B4GALT1: variants seen among roughly 807,000 people sequenced by gnomAD.
B4GALT1 encodes the protein beta-1,4-galactosyltransferase 1.
A neutral mutation model predicts 34.9 loss-of-function variants in B4GALT1; 16 were observed. The observed-to-expected ratio is 0.46, with a 90% CI of 0.31 to 0.70. The LOEUF (loss-of-function observed/expected upper bound fraction) is 0.70, where lower values mean the gene tolerates loss of function less well. Ranked by LOEUF, B4GALT1 falls within the 30% of genes least tolerant of loss-of-function variation. The probability of loss-of-function intolerance (pLI) is 0.05; values close to 1 mark genes in which losing one functional copy is unlikely to be tolerated. For synonymous variants in B4GALT1, 221 were observed against 218.1 expected, an observed-to-expected ratio of 1.01 and a Z score of -0.12; for missense variants, 445 against 530.5, an observed-to-expected ratio of 0.84 and a Z score of 1.58.
intron 1 of B4GALT1, among the ~76,000 whole-genome samples, chr9:33,136,035 T>C (rs1229977493): frequency 6.6e-6 from 1 of 151,358 alleles, no homozygotes; most frequent in East Asian, 1.9e-4. Flanking sequence ...AGGGACTCGA[T>C]GGAAGGTGAA....
intron 1 of B4GALT1, among the ~76,000 whole-genome samples, chr9:33,146,445 C>A (rs1840426620): frequency 6.6e-6 from 1 of 152,194 alleles, no homozygotes; most frequent in South Asian, 2.1e-4. Flanking sequence ...TTAAGACTTT[C>A]ACCTCCAGGC....
At chr9:33,141,135 T>A (rs1194632384) in intron 1 of B4GALT1, among the ~76,000 whole-genome samples, 1 of 152,160 alleles carries the variant, frequency 6.6e-6, no homozygotes, top group East Asian at 1.9e-4. Context: ...ACCCAGTTAG[T>A]ATGTATCATG....
At chr9:33,139,951 C>G (rs1471306209) in intron 1 of B4GALT1, among the ~76,000 whole-genome samples, 1 of 152,230 alleles carries the variant, frequency 6.6e-6, no homozygotes, top group Non-Finnish European at 1.5e-5. Flanking sequence ...AAGCTGTCCT[C>G]GGCTCCCCCA....
rs17247945 is a variant in B4GALT1, at chr9:33,111,716, T to G, written c.*1738A>C. On this transcript the variant is annotated 3_prime_UTR_variant, in exon 6 of 6. Transcript: ENST00000379731. The stretch of plus-strand genomic sequence containing the variant: ...ACGAGCACAAGGCTCAACCCTGGGA[T>G]TAGGCAGCTGAGTCTTGGAACCTGA... 5,874 of 152,682 alleles carry G rather than the reference T, an allele frequency of 0.038. 153 individuals are homozygous for G. The highest frequency in any genetic ancestry group is 0.061 in the Non-Finnish European group (4,184 of 68,052). The allele number at this position is 152,682 out of a possible 1,614,324, so 9.5% of individuals were successfully genotyped here.
intron 1 of B4GALT1, among the ~76,000 whole-genome samples, chr9:33,163,141 T>C (rs915899155): frequency 3.1e-4 from 47 of 152,146 alleles, no homozygotes; most frequent in African/African-American, 1.1e-3. Flanking sequence ...CACTCTGTCC[T>C]GGGCAGCCTG....
chr9:33,104,686 A>G, exon 3 of B4GALT1: 1 of 448,426 alleles, frequency 2.2e-6, no homozygotes, highest in Non-Finnish European at 4.5e-6. Context: ...TCAAATCTCC[A>G]GGAAGATGCT....
exon 3 of B4GALT1, chr9:33,104,625 T>C (rs1215998526): frequency 2.5e-6 from 1 of 402,962 alleles, no homozygotes; most frequent in Non-Finnish European, 4.9e-6. Context: ...TCCTTATGAC[T>C]GGCCAATCCT....
At chr9:33,116,630 C>T (rs961840191) in intron 3 of B4GALT1, among the ~76,000 whole-genome samples, 3 of 146,740 alleles carry the variant, frequency 2.0e-5, no homozygotes, top group Middle Eastern at 7.5e-3. Context: ...TCAAGTAATT[C>T]TCCTGTCTCA....
At chr9:33,177,286 T>C in the B4GALT1 span, 1 of 152,244 alleles carries the variant, frequency 6.6e-6, no homozygotes, top group Non-Finnish European at 1.5e-5. Flanking sequence ...TTCCTCGCTG[T>C]GTTGTCATCC....
the B4GALT1 span, among the ~76,000 whole-genome samples, chr9:33,184,188 T>TA: frequency 6.7e-6 from 1 of 149,052 alleles, no homozygotes; most frequent in African/African-American, 2.5e-5. Flanking sequence ...AAAGGAAATA[T>TA]AAAAAAGAAA....
intron 1 of B4GALT1, among the ~76,000 whole-genome samples, chr9:33,162,095 T>G (rs1237956867): frequency 6.6e-6 from 1 of 152,208 alleles, no homozygotes; most frequent in Non-Finnish European, 1.5e-5. Context: ...CCTACCCTGC[T>G]GCTACCCAAA....
In B4GALT1 at chr9:33,111,259, A is replaced by C. The variant is rs1839855025; in HGVS notation, c.*2195T>G. ...TGAATGAGAAGGTAACCAAAAAAAA[A>C]AAAAAAAAAAAAAAAAAAACAACAA... On this transcript the variant is annotated 3_prime_UTR_variant, in exon 6 of 6. Coordinates refer to ENST00000379731, the MANE Select transcript of B4GALT1 (RefSeq NM_001497.4). The C allele has an allele frequency of 6.8e-6, 1 of 146,408 alleles. No individual in the cohort carries two copies. The highest frequency in any genetic ancestry group is 3.4e-3 in the Middle Eastern group (1 of 290). The allele number at this position is 146,408 out of a possible 1,614,324, so 9.1% of individuals were successfully genotyped here. A position where few individuals can be genotyped will look rare whatever the true frequency, so the allele number is the denominator to read the frequency against.
intron 2 of B4GALT1, among the ~76,000 whole-genome samples, chr9:33,122,237 G>A (rs1355530472): frequency 6.6e-6 from 1 of 152,140 alleles, no homozygotes; most frequent in Non-Finnish European, 1.5e-5. Flanking sequence ...AGATGACCTG[G>A]GCTGGGCATG....
rs1840008074 is a variant in B4GALT1, at chr9:33,120,620, A to G, written c.649-14T>C. On this transcript the variant is annotated splice_polypyrimidine_tract_variant and intron_variant, in intron 2 of 5. Transcript: ENST00000379731. The stretch of plus-strand genomic sequence containing the variant: ...AGTGTCTCCCGCCTGGTGCAGAAAC[A>G]AAAACAGTGATATCAAATGCCTTAA... The G allele has an allele frequency of 1.9e-6, 3 of 1,613,696 alleles. No individual in the cohort carries two copies. The highest frequency in any genetic ancestry group is 2.5e-6 in the Non-Finnish European group (3 of 1,179,816).
chr9:33,143,822 T>C (rs1304007108), intron 1 of B4GALT1, among the ~76,000 whole-genome samples: 1 of 152,202 alleles, frequency 6.6e-6, no homozygotes, highest in Non-Finnish European at 1.5e-5. Flanking sequence ...CATGTTTTGC[T>C]TTCAGCTTTT....
At chr9:33,115,414 G>A (rs1554684570) in intron 4 of B4GALT1, among the ~76,000 whole-genome samples, 1 of 152,208 alleles carries the variant, frequency 6.6e-6, no homozygotes, top group Admixed American at 6.5e-5. Context: ...ACTGATAGAT[G>A]TTTTTTACCA....
intron 1 of B4GALT1, among the ~76,000 whole-genome samples, chr9:33,142,659 C>T (rs1840369725): frequency 6.6e-6 from 1 of 152,110 alleles, no homozygotes; most frequent in Admixed American, 6.5e-5. Context: ...CTCTGTTACC[C>T]AGACCAGAGT....
rs915010778 is a variant in B4GALT1, at chr9:33,135,556, G to A, written c.413-132C>T. 1.0e-4 allele frequency: 86 copies of A among 858,888 alleles called. No individual in the cohort carries two copies. In the South Asian group the frequency reaches 1.1e-3, roughly 11 times the overall value. 53.2% of individuals were successfully genotyped at this position (858,888 alleles called of 1,614,324 possible). On this transcript the variant is annotated intron_variant, in intron 1 of 5. Coordinates refer to ENST00000379731, the MANE Select transcript of B4GALT1 (RefSeq NM_001497.4). ...TCCTCCTGGGAGGCAACGTGGCCAC[G>A]GAGAGGGCCCTCCTGCCCAGCATCA...
chr9:33,181,712 A>G, the B4GALT1 span, among the ~76,000 whole-genome samples: 2 of 152,172 alleles, frequency 1.3e-5, no homozygotes. Context: ...AGAAGGACTA[A>G]TGAGCAATGT....
Sources: gnomAD v4.1 joint callset for allele counts (sites outside exome capture counted in the v4.1 genomes callset) on GRCh38, gnomAD v4.1.1 for gene constraint, MANE v1.5 for transcripts, NCBI Gene and HGNC (gene_info 2026-07-23, HGNC 2026-07-21) for gene names.